CRB1: variants seen among roughly 807,000 people sequenced by gnomAD.
CRB1 encodes the protein protein crumbs homolog 1.
CRB1 carries 83 observed loss-of-function variants against 120.0 expected under a neutral mutation model. The ratio of observed to expected loss-of-function variants is 0.69; its 90% CI spans 0.58 to 0.83. The LOEUF is 0.83. Ranked by LOEUF, CRB1 falls within the 40% of genes least tolerant of loss-of-function variation. The probability of loss-of-function intolerance (pLI) is 0.00; values close to 1 mark genes in which losing one functional copy is unlikely to be tolerated. For missense variants in CRB1, 1,699 were observed against 1,687.6 expected, an observed-to-expected ratio of 1.01 and a Z score of -0.12; for synonymous variants, 625 against 612.5, an observed-to-expected ratio of 1.02 and a Z score of -0.30.
the CRB1 span, among the ~76,000 whole-genome samples, chr1:197,242,329 T>A: frequency 2.0e-5 from 3 of 152,308 alleles, no homozygotes; most frequent in South Asian, 2.1e-4. Context: ...TATATAGCTC[T>A]TATGATTTTG....
chr1:197,327,182 C>A (rs1481669028), intron 1 of CRB1, among the ~76,000 whole-genome samples: 1 of 149,988 alleles, frequency 6.7e-6, no homozygotes, highest in African/African-American at 2.4e-5. Flanking sequence ...CCATCTGTTG[C>A]CCCTTCCCAC....
In CRB1 at chr1:197,316,841, A is replaced by C. The variant is rs550508125; in HGVS notation, c.71-11581A>C. ...TAAAATCAACATACAAAAATCAGTG[A>C]TGTTTCTATACACCAATAGTGAATT... On this transcript the variant is annotated intron_variant, in intron 1 of 11. Transcript: ENST00000367400. 4.0e-5 allele frequency among the ~76,000 whole-genome samples: 6 copies of C among 151,518 alleles called. No individual in the cohort carries two copies. The South Asian group carries it at 1.3e-3, about 32-fold the overall frequency.
the CRB1 span, among the ~76,000 whole-genome samples, chr1:197,227,801 T>C: frequency 4.6e-5 from 7 of 151,880 alleles, no homozygotes; most frequent in Admixed American, 1.3e-4. Context: ...CTACCAGAGG[T>C]TTCCATGAGG....
At chr1:197,224,025 A>G in the CRB1 span, among the ~76,000 whole-genome samples, 1 of 152,110 alleles carries the variant, frequency 6.6e-6, no homozygotes, top group Admixed American at 6.5e-5. Flanking sequence ...ATCCTGTAGA[A>G]TATTAAGTGG....
the CRB1 span, chr1:197,222,434 C>T: frequency 2.6e-6 from 2 of 768,398 alleles, no homozygotes; most frequent in Admixed American, 1.7e-5. Flanking sequence ...CTCGGGCTAC[C>T]GTCATGGTGA....
intron 2 of CRB1, among the ~76,000 whole-genome samples, chr1:197,341,404 A>G (rs963863168): frequency 6.6e-6 from 1 of 152,074 alleles, no homozygotes; most frequent in South Asian, 2.1e-4. Context: ...TTAGCCAAGC[A>G]TGATGGCATG....
chr1:197,419,814 A>AG (rs1183481167), intron 5 of CRB1, among the ~76,000 whole-genome samples: 1 of 150,632 alleles, frequency 6.6e-6, no homozygotes, highest in Non-Finnish European at 1.5e-5. Flanking sequence ...CTCTACAAAA[A>AG]AAAAAAAAAA....
chr1:197,297,697 A>G (rs560756788), intron 1 of CRB1, among the ~76,000 whole-genome samples: 47 of 152,272 alleles, frequency 3.1e-4, no homozygotes, highest in Non-Finnish European at 1.5e-5. Context: ...GAGAGTCCAC[A>G]GGGAAAAGGG....
At chr1:197,408,203 G>A (rs1306984586) in intron 5 of CRB1, among the ~76,000 whole-genome samples, 2 of 152,070 alleles carry the variant, frequency 1.3e-5, no homozygotes, top group Non-Finnish European at 1.5e-5. Flanking sequence ...ATGAGTGAGA[G>A]TTACCAATAG....
At chr1:197,450,829 C>G (rs1409341291) in intron 11 of CRB1, among the ~76,000 whole-genome samples, 10 of 141,390 alleles carry the variant, frequency 7.1e-5, no homozygotes, top group Admixed American at 2.2e-4. Context: ...GCGTGGTGGC[C>G]AGCGCCTGTA....
At chr1:197,218,758 G>C in the CRB1 span, among the ~76,000 whole-genome samples, 1 of 152,290 alleles carries the variant, frequency 6.6e-6, no homozygotes, top group Admixed American at 6.5e-5. Context: ...TAATTTGAAG[G>C]GATAATGGAC....
At chr1:197,336,270 G>A (rs1659151573) in intron 2 of CRB1, among the ~76,000 whole-genome samples, 1 of 152,212 alleles carries the variant, frequency 6.6e-6, no homozygotes, top group Non-Finnish European at 1.5e-5. Flanking sequence ...TTCAGTCGTT[G>A]TGGAGGTTTG....
At chr1:197,460,407 G>A (rs138518518) in intron 11 of CRB1, among the ~76,000 whole-genome samples, 1 of 152,148 alleles carries the variant, frequency 6.6e-6, no homozygotes, top group African/African-American at 2.4e-5. Flanking sequence ...GAAGCCAGAA[G>A]ATTAAAAAAG....
At position 197,442,150 on chromosome 1, in the gene CRB1, T is replaced by G. The variant is rs376774507; in HGVS notation, c.3879-16T>G. ...CAACAGGGACCTGGGTTTCTGCTGT[T>G]CTGTTTATTTTGAAGGTGTGAAAAG... On this transcript the variant is annotated splice_polypyrimidine_tract_variant and intron_variant, in intron 10 of 11. Coordinates refer to ENST00000367400, the MANE Select transcript of CRB1 (RefSeq NM_201253.3). The G allele has an allele frequency of 2.5e-6, 4 of 1,613,988 alleles. No homozygotes were observed. The African/African-American group carries it at 5.3e-5, about 22-fold the overall frequency.
intron 3 of CRB1, 65 bp from the exon 4 acceptor site, chr1:197,347,275 C>T (rs1005514724): frequency 8.5e-5 from 121 of 1,428,320 alleles, no homozygotes; most frequent in Non-Finnish European, 1.2e-4. Flanking sequence ...GTTGAAGAAA[C>T]AGTATAAAGA....
chr1:197,406,494 A>C (rs988770830), intron 5 of CRB1, among the ~76,000 whole-genome samples: 1 of 152,204 alleles, frequency 6.6e-6, no homozygotes, highest in African/African-American at 2.4e-5. Context: ...TCACTTGTTT[A>C]TCTGCTGACC....
chr1:197,212,838 A>G, the CRB1 span, among the ~76,000 whole-genome samples: 3 of 152,178 alleles, frequency 2.0e-5, no homozygotes, highest in African/African-American at 7.2e-5. Context: ...AAAATTCAGA[A>G]ATGGATCCAA....
At chr1:197,311,664 A>G (rs1657526304) in intron 1 of CRB1, among the ~76,000 whole-genome samples, 1 of 150,732 alleles carries the variant, frequency 6.6e-6, no homozygotes, top group Non-Finnish European at 1.5e-5. Context: ...TACCACAATC[A>G]AGTTAGTTAA....
chr1:197,380,266 C>G (rs181986259), intron 5 of CRB1, among the ~76,000 whole-genome samples: 1 of 152,242 alleles, frequency 6.6e-6, no homozygotes, highest in East Asian at 1.9e-4. Context: ...CAAAATTTAT[C>G]TATTTATTTG....
Sources: gnomAD v4.1 joint callset for allele counts (sites outside exome capture counted in the v4.1 genomes callset) on GRCh38, gnomAD v4.1.1 for gene constraint, MANE v1.5 for transcripts, NCBI Gene and HGNC (gene_info 2026-07-23, HGNC 2026-07-21) for gene names.